The following RYR3 variants were observed in gnomAD, a reference collection of about 807,000 sequenced individuals.
The protein encoded by RYR3 is ryanodine receptor 3, also known as brain ryanodine receptor-calcium release channel.
Under a neutral mutation model 584.3 loss-of-function variants are expected in RYR3, and 207 were observed. That is an observed-to-expected ratio of 0.35 (90% CI 0.32 to 0.40). The LOEUF (loss-of-function observed/expected upper bound fraction) is 0.40, where lower values mean the gene tolerates loss of function less well. Ranked by LOEUF, RYR3 falls within the 10% of genes least tolerant of loss-of-function variation. The pLI is 1.00. For missense variants in RYR3, 5,616 were observed against 6,089.2 expected (o/e 0.92, Z 2.59); for synonymous variants, 2,416 against 2,248.5 (o/e 1.07, Z -2.11).
At chr15:33,842,687 A>G (rs1176370171) in intron 91 of RYR3, among the ~76,000 whole-genome samples, 4 of 152,122 alleles carry the variant, frequency 2.6e-5, no homozygotes, top group African/African-American at 9.7e-5. Flanking sequence ...AACAAGGGAG[A>G]AGAAGAGGCT....
chr15:33,722,288 T>C (rs1372418013), intron 43 of RYR3, among the ~76,000 whole-genome samples: 2 of 152,192 alleles, frequency 1.3e-5, no homozygotes, highest in Non-Finnish European at 2.9e-5. Context: ...CAGTATTCCA[T>C]GGTAGACTCA....
intron 43 of RYR3, among the ~76,000 whole-genome samples, chr15:33,711,685 C>T (rs2067134270): frequency 6.6e-6 from 1 of 152,218 alleles, no homozygotes; most frequent in African/African-American, 2.4e-5. Context: ...GTGTAATATG[C>T]ATGACCTTTG....
chr15:33,456,605 G>A (rs2047582936), intron 1 of RYR3, among the ~76,000 whole-genome samples: 1 of 152,120 alleles, frequency 6.6e-6, no homozygotes, highest in African/African-American at 2.4e-5. Flanking sequence ...CTTCCACATA[G>A]ACCATTTTTC....
rs1017127714 is a variant in RYR3 at position 33,606,752 on chromosome 15, C to T, written c.2164+3388C>T. The stretch of plus-strand genomic sequence containing the variant: ...ATAGCAGTTGGGAGTGAATTCTGCT[C>T]AGAGCAGCCTACACAGTATGTTACT... On this transcript the variant is annotated intron_variant, in intron 18 of 103. Coordinates refer to ENST00000634891, the MANE Select transcript of RYR3 (RefSeq NM_001036.6). 3.3e-5 allele frequency among the ~76,000 whole-genome samples: 5 copies of T among 152,116 alleles called. No homozygotes were observed. In the East Asian group the frequency reaches 9.7e-4, roughly 29 times the overall value.
At position 33,404,420 on chromosome 15, in the gene RYR3, C is replaced by T. The variant is rs545509082; in HGVS notation, c.52-68999C>T. Among the ~76,000 whole-genome samples, 21 of 152,308 alleles carry T rather than the reference C, an allele frequency of 1.4e-4. No homozygotes were observed. In the East Asian group the frequency reaches 3.7e-3, roughly 27 times the overall value. Reference sequence around the variant, plus strand: ...GACTGGGGTGGCTGTGACCGTGAGACCAAGCTTGTCTGCTCTCAAAGCTCA... The same window carrying T: ...GACTGGGGTGGCTGTGACCGTGAGATCAAGCTTGTCTGCTCTCAAAGCTCA... On this transcript the variant is annotated intron_variant, in intron 1 of 103. Transcript: ENST00000634891.
chr15:33,462,856 T>C (rs2048158271), intron 1 of RYR3, among the ~76,000 whole-genome samples: 1 of 152,106 alleles, frequency 6.6e-6, no homozygotes, highest in African/African-American at 2.4e-5. Context: ...TATGAAAAGT[T>C]AAAGTGTCCT....
In RYR3 at chr15:33,666,900, T is replaced by C. The variant is rs187162935; in HGVS notation, c.5620-2454T>C. On this transcript the variant is annotated intron_variant, in intron 36 of 103. Transcript: ENST00000634891. ...GGCAAGGAAGCCCCTGCTTCCTAAA[T>C]GTTCTGCCAAAGGAAAGATCTTTTA... Among the ~76,000 whole-genome samples the C allele has an allele frequency of 9.8e-4, 149 of 152,370 alleles. 2 individuals are homozygous for C. The highest frequency in any genetic ancestry group is 8.9e-3 in the Admixed American group (137 of 15,308).
chr15:33,790,433 T>C (rs764848569), intron 67 of RYR3, among the ~76,000 whole-genome samples: 8 of 152,086 alleles, frequency 5.3e-5, no homozygotes, highest in Non-Finnish European at 1.0e-4. Flanking sequence ...ATTTCCAAAT[T>C]GGGAATGAGA....
At chr15:33,506,170 A>C (rs1170703780) in intron 3 of RYR3, among the ~76,000 whole-genome samples, 4 of 152,166 alleles carry the variant, frequency 2.6e-5, no homozygotes, top group Non-Finnish European at 4.4e-5. Flanking sequence ...GTAATCATTC[A>C]TGTTCCAAGT....
intron 34 of RYR3, 109 bp downstream of exon 34, chr15:33,660,532 C>A: frequency 1.5e-6 from 1 of 677,560 alleles, no homozygotes; most frequent in East Asian, 2.8e-5. Flanking sequence ...CTGCTCAGTC[C>A]CAGTATGACT....
chr15:33,426,442 T>G (rs1437726446), intron 1 of RYR3, among the ~76,000 whole-genome samples: 1 of 152,202 alleles, frequency 6.6e-6, no homozygotes, highest in Admixed American at 6.5e-5. Context: ...CTACAGGCAC[T>G]ATTCCATATT....
chr15:33,857,850 G>T lies in RYR3; in HGVS notation c.14078G>T (p.Arg4693Leu). The change falls in exon 99 of 104, where the codon CGC (arginine) becomes CTC (leucine). Residue 4693 changes from arginine to leucine, a missense_variant. This residue lies in a region of RYR3 where 918 missense variants were observed against 887.4 expected (regional missense o/e 1.03). Coordinates refer to ENST00000634891, the MANE Select transcript of RYR3 (RefSeq NM_001036.6). The part of the protein sequence containing the change: ...LYTVVAFNFF[R>L]KFYNKSEDDD... ...ACTGTGGTGGCTTTCAACTTCTTCC[G>T]CAAGTTCTACAACAAAAGCGAAGAC... is the stretch of plus-strand genomic sequence containing the variant. 1 of 1,614,102 alleles carries T rather than the reference G, an allele frequency of 6.2e-7. No individual in the cohort carries two copies. The highest frequency in any genetic ancestry group is 8.5e-7 in the Non-Finnish European group (1 of 1,180,040).
At chr15:33,557,066 T>C (rs2057115091) in intron 10 of RYR3, among the ~76,000 whole-genome samples, 1 of 152,232 alleles carries the variant, frequency 6.6e-6, no homozygotes, top group Non-Finnish European at 1.5e-5. Flanking sequence ...TGGTAACCAT[T>C]CAGATATTCT....
intron 1 of RYR3, among the ~76,000 whole-genome samples, chr15:33,319,902 C>G (rs1329896842): frequency 6.6e-6 from 1 of 152,104 alleles, no homozygotes; most frequent in Non-Finnish European, 1.5e-5. Flanking sequence ...TGGTTTACGC[C>G]AAGTTCTCAG....
At chr15:33,575,229 T>G (rs1036380561) in intron 12 of RYR3, among the ~76,000 whole-genome samples, 24 of 152,094 alleles carry the variant, frequency 1.6e-4, no homozygotes, top group African/African-American at 5.8e-4. Flanking sequence ...GACAGAAAAT[T>G]AACAAAGATA....
chr15:33,629,692 G>A (rs781296509), intron 21 of RYR3, among the ~76,000 whole-genome samples: 1 of 152,192 alleles, frequency 6.6e-6, no homozygotes, highest in Non-Finnish European at 1.5e-5. Context: ...GCTTCTTTCG[G>A]AAAGTATGTT....
intron 12 of RYR3, among the ~76,000 whole-genome samples, chr15:33,571,958 T>C (rs1429636344): frequency 6.6e-6 from 1 of 152,174 alleles, no homozygotes; most frequent in Non-Finnish European, 1.5e-5. Flanking sequence ...TAAAAATACT[T>C]TTTTGAGGAG....
At chr15:33,689,627 C>T (rs2065274303) in intron 38 of RYR3, among the ~76,000 whole-genome samples, 2 of 152,044 alleles carry the variant, frequency 1.3e-5, no homozygotes, top group African/African-American at 4.8e-5. Context: ...CTTTAGTCTC[C>T]ATGTAATGGA....
intron 2 of RYR3, among the ~76,000 whole-genome samples, chr15:33,500,551 T>G (rs1448041448): frequency 6.6e-6 from 1 of 152,154 alleles, no homozygotes; most frequent in Admixed American, 6.5e-5. Flanking sequence ...GTAGGACATT[T>G]GGAAATGTAG....
Sources: gnomAD v4.1 joint callset for allele counts (sites outside exome capture counted in the v4.1 genomes callset) on GRCh38, gnomAD v4.1.1 for gene constraint, gnomAD v4.1.1 regional missense constraint, MANE v1.5 for transcripts, NCBI Gene and HGNC (gene_info 2026-07-23, HGNC 2026-07-21) for gene names.